Variants in GET1 observed in about 807,000 individuals in gnomAD.
The protein encoded by GET1 is congenital heart disease 5 protein.
GET1 carries 20 observed loss-of-function variants against 22.6 expected under a neutral mutation model. The observed-to-expected ratio is 0.89, with a 90% CI of 0.62 to 1.29. GET1 has a LOEUF of 1.29. Ranked by LOEUF, GET1 falls within the 50% of genes most tolerant of loss-of-function variation. GET1 has a pLI of 0.00. For synonymous variants in GET1, 92 were observed against 83.8 expected, an observed-to-expected ratio of 1.10 and a Z score of -0.53; for missense variants, 209 against 219.9, an observed-to-expected ratio of 0.95 and a Z score of 0.31.
At chr21:39,401,310 A>G (rs1340571460), downstream of GET1, among the ~76,000 whole-genome samples, 1 of 152,104 alleles carries the variant, frequency 6.6e-6, no homozygotes, top group African/African-American at 2.4e-5. Context: ...AGCTTCCCAG[A>G]GTGCTGTGAT....
chr21:39,403,373 C>T (rs1480738468), intron 4 of GET1, among the ~76,000 whole-genome samples: 1 of 152,202 alleles, frequency 6.6e-6, no homozygotes, highest in East Asian at 1.9e-4. Flanking sequence ...GTTGCCCAGG[C>T]TGGAGTGCAG....
At chr21:39,384,951 C>T (rs924229276) in intron 1 of GET1, among the ~76,000 whole-genome samples, 2 of 152,094 alleles carry the variant, frequency 1.3e-5, no homozygotes, top group African/African-American at 2.4e-5. Context: ...AGTACACCCA[C>T]CCTGTAATCG....
At chr21:39,389,398 C>T (rs889975463) in intron 1 of GET1, among the ~76,000 whole-genome samples, 6 of 152,254 alleles carry the variant, frequency 3.9e-5, no homozygotes, top group East Asian at 1.9e-4. Flanking sequence ...CCTCCCACCC[C>T]GGCCTCCAGA....
chr21:39,396,967 T>C lies in GET1; in HGVS notation c.*28T>C, dbSNP rs746161775. ...AGGAGGATGGATACAGCCGCGAGGCTAAAAAACGGATTTCCTCTTCCTAGC... is the reference window on the plus strand; with the variant it reads ...AGGAGGATGGATACAGCCGCGAGGCCAAAAAACGGATTTCCTCTTCCTAGC... On this transcript the variant is annotated 3_prime_UTR_variant, in exon 5 of 5. Coordinates refer to ENST00000649170, the MANE Select transcript of GET1 (RefSeq NM_004627.6). 6.2e-7 allele frequency: 1 copy of C among 1,609,696 alleles called. No individual in the cohort carries two copies. Among genetic ancestry groups the C allele is most frequent in the Non-Finnish European group, 8.5e-7 (1 of 1,177,684 alleles).
rs145850517 is a variant in GET1, at chr21:39,397,685, G to GACTAA, written c.*747_*748insCTAAA. On this transcript the variant is annotated 3_prime_UTR_variant, in exon 5 of 5. Transcript: ENST00000649170. ...ACAGAAAACAAACCTTATAAGTCCT[G>GACTAA]ATTAATCTGAACCAATAACCTGTGT... The GACTAA allele has an allele frequency of 6.6e-6, 1 of 151,482 alleles. No homozygotes were observed. The highest frequency in any genetic ancestry group is 1.5e-5 in the Non-Finnish European group (1 of 67,832). The allele number at this position is 151,482 out of a possible 1,614,324, so 9.4% of individuals were successfully genotyped here.
intron 2 of GET1, chr21:39,391,077 C>G (rs1189233060): frequency 4.8e-6 from 2 of 420,016 alleles, no homozygotes; most frequent in African/African-American, 4.0e-5. Context: ...CTAAGATCCT[C>G]TCAGATTTTC....
chr21:39,382,209 C>T (rs577847419), intron 1 of GET1, among the ~76,000 whole-genome samples: 3 of 152,090 alleles, frequency 2.0e-5, no homozygotes, highest in Admixed American at 6.6e-5. Flanking sequence ...TACCTGCCAC[C>T]ATGCCCGGCT....
At chr21:39,423,065 C>T (rs1176055047) in intron 1 of GET1, 6 of 1,613,994 alleles carry the variant, frequency 3.7e-6, no homozygotes, top group Non-Finnish European at 5.1e-6. Flanking sequence ...TTTTTGTCTT[C>T]AGAAAGTTTC....
downstream of GET1, among the ~76,000 whole-genome samples, chr21:39,399,445 A>T (rs369351317): frequency 9.3e-5 from 14 of 150,632 alleles, no homozygotes; most frequent in East Asian, 5.8e-4. Flanking sequence ...TATTTTTTTT[A>T]AATTTATTTT....
At chr21:39,386,778 A>G (rs1026406162) in intron 1 of GET1, among the ~76,000 whole-genome samples, 2 of 152,250 alleles carry the variant, frequency 1.3e-5, no homozygotes, top group African/African-American at 4.8e-5. Context: ...GCATGATTCT[A>G]GAACATTTTA....
At position 39,420,726 on chromosome 21, in the gene GET1, G is replaced by A. The variant is rs1014658337; in HGVS notation, c.*24-7506G>A. ...AATACCTTAAGTTTTTGTTGAAGGT[G>A]TTTTACTTCCACCTGCAGAGTCTTG... is the stretch of plus-strand genomic sequence containing the variant. On this transcript the variant is annotated intron_variant, in intron 1 of 1. Coordinates refer to the GET1 transcript ENST00000478273. 7 of 1,612,138 alleles carry A rather than the reference G, an allele frequency of 4.3e-6. No homozygotes were observed. The Middle Eastern group carries it at 4.9e-4, about 114-fold the overall frequency.
intron 1 of GET1, chr21:39,387,710 C>A: frequency 1.2e-6 from 1 of 837,772 alleles, no homozygotes; most frequent in Non-Finnish European, 1.4e-6. Context: ...CCACTTTTGC[C>A]TCATCACGCA....
At chr21:39,423,324 A>G (rs1601839126) in intron 1 of GET1, 1 of 1,611,806 alleles carries the variant, frequency 6.2e-7, no homozygotes, top group East Asian at 2.2e-5. Flanking sequence ...CTTCCAATTT[A>G]TGATGCATAT....
chr21:39,384,601 A>G (rs141907759), intron 1 of GET1, among the ~76,000 whole-genome samples: 128 of 150,250 alleles, frequency 8.5e-4, no homozygotes, highest in Middle Eastern at 3.4e-3. Flanking sequence ...GTTCAGGGAT[A>G]CATGTGCGGG....
chr21:39,402,293 C>T (rs951419037), downstream of GET1, among the ~76,000 whole-genome samples: 4 of 152,016 alleles, frequency 2.6e-5, no homozygotes, highest in Admixed American at 6.6e-5. Flanking sequence ...TAGTAAGAGA[C>T]GGGGTTTCAC....
chr21:39,423,304 G>GT, intron 1 of GET1: 1 of 1,610,506 alleles, frequency 6.2e-7, no homozygotes, highest in Non-Finnish European at 8.5e-7. Context: ...TTGGTTTTCT[G>GT]TAAGGATGGC....
intron 1 of GET1, among the ~76,000 whole-genome samples, chr21:39,419,014 A>C (rs1217841949): frequency 6.6e-6 from 1 of 152,128 alleles, no homozygotes; most frequent in Non-Finnish European, 1.5e-5. Context: ...CTGGAACTCC[A>C]CAGAAAAAAG....
chr21:39,401,672 A>G (rs542824373), downstream of GET1, among the ~76,000 whole-genome samples: 6 of 152,214 alleles, frequency 3.9e-5, no homozygotes, highest in East Asian at 1.2e-3. Context: ...ATTTTTCACA[A>G]ATTGAAGGTC....
downstream of GET1, chr21:39,409,876 G>A (rs1305681173): frequency 7.5e-6 from 5 of 669,358 alleles, no homozygotes; most frequent in Non-Finnish European, 1.3e-5. This position sits in a 1 kb window ranked among gnomAD's most constrained non-coding sequence, Gnocchi z 4.2. Context: ...TTACAGGTGC[G>A]AGCTGCCATG....
Sources: gnomAD v4.1 joint callset for allele counts (sites outside exome capture counted in the v4.1 genomes callset) on GRCh38, gnomAD v4.1.1 for gene constraint, Gnocchi (gnomAD v3.1) non-coding constraint, MANE v1.5 for transcripts, NCBI Gene and HGNC (gene_info 2026-07-23, HGNC 2026-07-21) for gene names.